Variants in FGF12 observed in about 807,000 individuals in gnomAD.
FGF12 encodes the protein fibroblast growth factor 12.
Under a neutral mutation model 23.6 loss-of-function variants are expected in FGF12, and 14 were observed. That is an observed-to-expected ratio of 0.59 (90% confidence interval 0.39 to 0.93). The LOEUF (loss-of-function observed/expected upper bound fraction) is 0.93. FGF12 is among the 40% of genes least tolerant of loss of function. The probability of loss-of-function intolerance (pLI) is 0.00; values close to 1 mark genes in which losing one functional copy is unlikely to be tolerated. For synonymous variants in FGF12, 62 were observed against 77.3 expected (o/e 0.80, Z 1.04); for missense variants, 175 against 217.8 (o/e 0.80, Z 1.24).
At position 192,408,649 on chromosome 3, in the gene FGF12, G is replaced by T; in HGVS notation, c.14-48111C>A. The stretch of plus-strand genomic sequence containing the variant: ...GTGCCTCTGTTGGAGAGGCGCAAGC[G>T]TTGTAAGGTGTCCAAAGTATACCTA... On this transcript the variant is annotated intron_variant, in intron 2 of 5. Transcript: ENST00000445105. The surrounding 1 kb of genome is among the most constrained non-coding windows in gnomAD (Gnocchi z 7.3). The T allele has an allele frequency of 4.9e-6, 5 of 1,029,196 alleles. 1 individual carries two copies. Among genetic ancestry groups the T allele is most frequent in the Non-Finnish European group, 5.8e-6 (5 of 857,136 alleles). 63.8% of individuals were successfully genotyped at this position (1,029,196 alleles called of 1,614,324 possible).
chr3:192,284,485 A>G (rs1475952981), intron 4 of FGF12, among the ~76,000 whole-genome samples: 2 of 152,074 alleles, frequency 1.3e-5, no homozygotes, highest in African/African-American at 4.8e-5. Flanking sequence ...TGGCTTCCCA[A>G]TGATATGAGA....
intron 4 of FGF12, among the ~76,000 whole-genome samples, chr3:192,176,373 T>G (rs909779864): frequency 1.3e-5 from 2 of 152,212 alleles, no homozygotes; most frequent in African/African-American, 4.8e-5. Flanking sequence ...TCACGATGGT[T>G]TTTCTTGCTC....
intron 2 of FGF12, among the ~76,000 whole-genome samples, chr3:192,561,443 A>G (rs1712018574): frequency 6.6e-6 from 1 of 151,898 alleles, no homozygotes; most frequent in Non-Finnish European, 1.5e-5. Context: ...GCCCACTGTA[A>G]CCTCCACCTC....
intron 2 of FGF12, among the ~76,000 whole-genome samples, chr3:192,362,087 G>A (rs927763966): frequency 1.3e-5 from 2 of 152,068 alleles, no homozygotes; most frequent in Non-Finnish European, 2.9e-5. Context: ...TATTCACTTT[G>A]AGCACATTAG....
chr3:192,438,851 T>A (rs2108794943), intron 2 of FGF12, among the ~76,000 whole-genome samples: 1 of 152,256 alleles, frequency 6.6e-6, no homozygotes, highest in African/African-American at 2.4e-5. Context: ...AGCCCCCCGG[T>A]TTCAAAAGAA....
intron 2 of FGF12, among the ~76,000 whole-genome samples, chr3:192,392,042 G>A (rs749432355): frequency 2.0e-5 from 3 of 152,198 alleles, no homozygotes; most frequent in South Asian, 4.1e-4. Context: ...AGCCACTCCC[G>A]ACTTGCTGAA....
chr3:192,252,462 C>CAAAAAAAAAAAAAAAAAAAAAAAAAA (rs56920518), intron 4 of FGF12, among the ~76,000 whole-genome samples: 2 of 27,508 alleles, frequency 7.3e-5, no homozygotes, highest in Admixed American at 1.3e-3. Flanking sequence ...GAATCTGTCT[C>CAAAAAAAAAAAAAAAAAAAAAAAAAA]AAAAAAAAAA....
chr3:192,719,427 T>C (rs1245703123), intron 2 of FGF12, among the ~76,000 whole-genome samples: 1 of 152,234 alleles, frequency 6.6e-6, no homozygotes, highest in Non-Finnish European at 1.5e-5. Flanking sequence ...TTGTTTTTTA[T>C]GCTGATGCAA....
intron 2 of FGF12, among the ~76,000 whole-genome samples, chr3:192,696,166 TTTA>T (rs1322568623): frequency 8.7e-5 from 13 of 149,924 alleles, no homozygotes; most frequent in East Asian, 3.9e-4. Context: ...TTTTTTTTTT[TTTA>T]ATCATTTCCT....
At chr3:192,460,675 CATATATTT>C (rs1560117987) in intron 2 of FGF12, among the ~76,000 whole-genome samples, 1 of 133,958 alleles carries the variant, frequency 7.5e-6, no homozygotes, top group Non-Finnish European at 1.6e-5. Flanking sequence ...CACACACACA[CATATATTT>C]ATATATATAT....
intron 4 of FGF12, among the ~76,000 whole-genome samples, chr3:192,279,082 G>A (rs1713979238): frequency 2.6e-5 from 4 of 152,054 alleles, no homozygotes; most frequent in Admixed American, 2.0e-4. Flanking sequence ...AAGTGAATAA[G>A]TGTTTTACAA....
intron 2 of FGF12, among the ~76,000 whole-genome samples, chr3:192,630,901 G>C (rs1715368149): frequency 6.6e-6 from 1 of 151,812 alleles, no homozygotes; most frequent in African/African-American, 2.4e-5. Context: ...GCCTAGTCTG[G>C]TTCCAAACTT....
intron 2 of FGF12, among the ~76,000 whole-genome samples, chr3:192,719,628 A>C (rs947347122): frequency 1.1e-4 from 16 of 151,866 alleles, no homozygotes; most frequent in Admixed American, 2.6e-4. Context: ...CATGTTTTGA[A>C]ATGAAGGAAA....
chr3:192,697,724 T>A (rs1718169144), intron 2 of FGF12, among the ~76,000 whole-genome samples: 1 of 152,172 alleles, frequency 6.6e-6, no homozygotes, highest in Non-Finnish European at 1.5e-5. Context: ...ATCTCCAACA[T>A]TCTCACTTTC....
chr3:192,653,476 C>T (rs1716285873), intron 2 of FGF12, among the ~76,000 whole-genome samples: 1 of 152,160 alleles, frequency 6.6e-6, no homozygotes, highest in Admixed American at 6.6e-5. Context: ...CAGTTTTCCT[C>T]AACTAGATAT....
intron 4 of FGF12, among the ~76,000 whole-genome samples, chr3:192,181,859 GGGATCAACCCACAGTGCT>G (rs1716198158): frequency 6.6e-6 from 1 of 151,104 alleles, no homozygotes; most frequent in Non-Finnish European, 1.5e-5. Context: ...TCGAACTCCT[GGGATCAACCCACAGTGCT>G]GGGATTACAG....
At chr3:192,451,697 G>GT (rs1375613790) in intron 2 of FGF12, among the ~76,000 whole-genome samples, 3 of 152,134 alleles carry the variant, frequency 2.0e-5, no homozygotes, top group Admixed American at 1.3e-4. Context: ...GCACTTAACA[G>GT]TTTTCTTCTT....
chr3:192,419,733 A>G (rs1047986752), intron 2 of FGF12, among the ~76,000 whole-genome samples: 1 of 152,176 alleles, frequency 6.6e-6, no homozygotes, highest in Non-Finnish European at 1.5e-5. Flanking sequence ...ATGAATCAAC[A>G]ATGAAACTGA....
At chr3:192,576,057 T>G (rs1420037455) in intron 2 of FGF12, among the ~76,000 whole-genome samples, 1 of 152,174 alleles carries the variant, frequency 6.6e-6, no homozygotes, top group East Asian at 1.9e-4. Context: ...ATCAGGTCAC[T>G]GAGGGGAAAG....
Sources: gnomAD v4.1 joint callset for allele counts (sites outside exome capture counted in the v4.1 genomes callset) on GRCh38, gnomAD v4.1.1 for gene constraint, Gnocchi (gnomAD v3.1) non-coding constraint, MANE v1.5 for transcripts, NCBI Gene and HGNC (gene_info 2026-07-23, HGNC 2026-07-21) for gene names.